Variants in SCN10A observed in about 807,000 individuals in gnomAD.
The protein encoded by SCN10A is sodium channel protein type 10 subunit alpha.
In SCN10A, 162 loss-of-function variants were observed where a neutral mutation model predicts 170.7. The observed-to-expected ratio is 0.95, with a 90% confidence interval of 0.84 to 1.08. The LOEUF is 1.08. Among genes scored for constraint, SCN10A ranks in the 50% least tolerant of loss-of-function variants. The pLI is 0.00. For missense variants in SCN10A, 2,527 were observed against 2,436.9 expected (o/e 1.04, Z -0.78); for synonymous variants, 985 against 904.6 (o/e 1.09, Z -1.59).
Position 38,761,209 on chromosome 3 carries a change from T to C in SCN10A, c.866A>G (p.Tyr289Cys). The change falls in exon 7 of 28, where the codon TAC (tyrosine) becomes TGC (cysteine). Residue 289 changes from tyrosine (Y) to cysteine (C), a missense_variant. Transcript: ENST00000449082. ...NDMAVNETTN[Y>C]SSHRKPDIYI... ...CCACTCACGTTTTCTGTGAGATGAG[T>C]AGTTGGTTGTCTCATTGACAGCCAT... The C allele has an allele frequency of 2.5e-6, 4 of 1,606,866 alleles. No homozygotes were observed. Among genetic ancestry groups the C allele is most frequent in the Non-Finnish European group, 3.4e-6 (4 of 1,175,058 alleles).
At chr3:38,714,455 CT>C (rs1171212009) in intron 21 of SCN10A, among the ~76,000 whole-genome samples, 3 of 152,132 alleles carry the variant, frequency 2.0e-5, no homozygotes, top group Non-Finnish European at 4.4e-5. Flanking sequence ...ATGATGTTCC[CT>C]CCTAGGGGCT....
chr3:38,807,260 G>A (rs2064410154), intron 1 of SCN10A, among the ~76,000 whole-genome samples: 1 of 152,132 alleles, frequency 6.6e-6, no homozygotes, highest in South Asian at 2.1e-4. Flanking sequence ...TAGAATTTGG[G>A]TAATCAATTT....
At chr3:38,737,216 T>A (rs975374237) in intron 15 of SCN10A, among the ~76,000 whole-genome samples, 3 of 150,732 alleles carry the variant, frequency 2.0e-5, no homozygotes, top group Non-Finnish European at 3.0e-5. Flanking sequence ...GTGATCCGCC[T>A]GCCTCGGCCT....
intron 10 of SCN10A, 72 bp downstream of exon 10, chr3:38,756,602 G>T: frequency 8.0e-7 from 1 of 1,257,728 alleles, no homozygotes; most frequent in Non-Finnish European, 1.2e-6. Context: ...TAATTGAAGT[G>T]GCTAGTCCAG....
chr3:38,803,805 AC>A (rs1288838056), intron 1 of SCN10A, among the ~76,000 whole-genome samples: 90 of 152,256 alleles, frequency 5.9e-4, no homozygotes, highest in African/African-American at 1.7e-3. Context: ...TATAAAAAAA[AC>A]AAAACCTTTT....
At chr3:38,753,541 T>C (rs1025519108) in intron 11 of SCN10A, among the ~76,000 whole-genome samples, 2 of 152,238 alleles carry the variant, frequency 1.3e-5, no homozygotes, top group African/African-American at 4.8e-5. Context: ...AGCCTGATCC[T>C]GTTTAGCAAC....
chr3:38,704,101 A>G (rs1191087942), intron 26 of SCN10A, among the ~76,000 whole-genome samples: 1 of 152,192 alleles, frequency 6.6e-6, no homozygotes, highest in East Asian at 1.9e-4. Flanking sequence ...GGAGGAAGAG[A>G]AGAACCTGTC....
intron 8 of SCN10A, among the ~76,000 whole-genome samples, chr3:38,760,409 C>T (rs1014731476): frequency 2.6e-5 from 4 of 152,200 alleles, no homozygotes; most frequent in Non-Finnish European, 5.9e-5. Flanking sequence ...CACCCAATGC[C>T]CATCTGATCC....
At position 38,743,572 on chromosome 3, in the gene SCN10A, C is replaced by A. The variant is rs187355509; in HGVS notation, c.1868-1043G>T. Among the ~76,000 whole-genome samples the A allele has an allele frequency of 1.1e-4, 17 of 152,278 alleles. No individual in the cohort carries two copies. The East Asian group carries it at 2.9e-3, about 26-fold the overall frequency. ...ATCTGACTTTAACTGCTTCCAAATTCAAATAATTGATTTCCAGTTCTCATC... is the reference window on the plus strand; with the variant it reads ...ATCTGACTTTAACTGCTTCCAAATTAAAATAATTGATTTCCAGTTCTCATC... On this transcript the variant is annotated intron_variant, in intron 13 of 27. Transcript: ENST00000449082.
At chr3:38,699,149 A>G (rs907169468) in intron 27 of SCN10A, among the ~76,000 whole-genome samples, 5 of 151,536 alleles carry the variant, frequency 3.3e-5, no homozygotes, top group African/African-American at 1.2e-4. Flanking sequence ...GCTGACAGCT[A>G]AAGCATAAGG....
intron 15 of SCN10A, among the ~76,000 whole-genome samples, chr3:38,735,169 C>CAAAAAAAAAAAAAAAA (rs543574832): frequency 1.3e-5 from 1 of 76,162 alleles, no homozygotes; most frequent in Non-Finnish European, 2.6e-5. Flanking sequence ...GACTCTGTCT[C>CAAAAAAAAAAAAAAAA]AAAAAAAAAA....
intron 1 of SCN10A, among the ~76,000 whole-genome samples, chr3:38,799,410 C>T (rs1190166251): frequency 6.6e-6 from 1 of 152,132 alleles, no homozygotes; most frequent in African/African-American, 2.4e-5. Flanking sequence ...AACAAGTGTC[C>T]TCTGGGAAAA....
At chr3:38,791,906 G>C in intron 3 of SCN10A, 144 bp downstream of exon 3, 1 of 1,092,986 alleles carries the variant, frequency 9.1e-7, no homozygotes, top group East Asian at 2.4e-5. Flanking sequence ...AAAGGCCCAA[G>C]CCATTTTTTC....
Position 38,788,964 on chromosome 3 carries a change from C to T in SCN10A, c.462G>A (p.Glu154=), listed in dbSNP as rs541804553. 74 of 1,597,314 alleles carry T rather than the reference C, an allele frequency of 4.6e-5. No homozygotes were observed. The South Asian group carries it at 7.2e-4, about 15-fold the overall frequency. ...CVCMTRTDLP[E]KIEYVFTVIY... ...ATAGCAAATCTACTCACTCAATTTTCTCTGGAAGGTCAGTTCGGGTCATGC... is the reference window on the plus strand; with the variant it reads ...ATAGCAAATCTACTCACTCAATTTTTTCTGGAAGGTCAGTTCGGGTCATGC... Residue 154 remains glutamate (E), a synonymous_variant, in exon 4 of 28, where the codon GAG becomes GAA. Transcript: ENST00000449082.
chr3:38,787,461 A>G (rs1474968894), intron 4 of SCN10A, among the ~76,000 whole-genome samples: 2 of 152,078 alleles, frequency 1.3e-5, no homozygotes, highest in Admixed American at 1.3e-4. Context: ...TCTGTAAATT[A>G]CATCTTCGGT....
Position 38,728,746 on chromosome 3 carries a change from G to C in SCN10A, c.2436C>G (p.Asn812Lys). 6.2e-7 allele frequency: 1 copy of C among 1,614,208 alleles called. No individual in the cohort carries two copies. Among genetic ancestry groups the C allele is most frequent in the Middle Eastern group, 1.6e-4 (1 of 6,062 alleles). The change falls in exon 16 of 28, where the codon AAC becomes AAG. Residue 812 changes from asparagine (N) to lysine (K), a missense_variant. Coordinates refer to ENST00000449082, the MANE Select transcript of SCN10A (RefSeq NM_006514.4). ...AGATATTTTTTCGGTTGTTACGGTA[G>C]TTTTCCCCTAGGAGCTGCTTGCCAA... The part of the protein sequence containing the change: ...ALVGKQLLGE[N>K]YRNNRKNISA...
At position 38,805,798 on chromosome 3, in the gene SCN10A, A is replaced by T. The variant is rs115061054; in HGVS notation, c.-33+10239T>A. On this transcript the variant is annotated intron_variant, in intron 1 of 27. Coordinates refer to ENST00000449082, the MANE Select transcript of SCN10A (RefSeq NM_006514.4). ...TAGCACTTAGCTACCTTTGAAGTTG[A>T]ATAATCCTGAGTTGCCTCTGATAAC... Among the ~76,000 whole-genome samples the T allele has an allele frequency of 1.7e-3, 263 of 152,294 alleles. 1 individual carries two copies. Among genetic ancestry groups the T allele is most frequent in the Middle Eastern group, 0.01 (3 of 294 alleles).
At chr3:38,704,505 G>A (rs1396300312) in intron 26 of SCN10A, among the ~76,000 whole-genome samples, 1 of 152,230 alleles carries the variant, frequency 6.6e-6, no homozygotes, top group East Asian at 1.9e-4. Context: ...CCCACGGTCA[G>A]GGATCATACC....
At chr3:38,737,132 G>A (rs935660915) in intron 15 of SCN10A, among the ~76,000 whole-genome samples, 1 of 150,046 alleles carries the variant, frequency 6.7e-6, no homozygotes, top group Non-Finnish European at 1.5e-5. Flanking sequence ...CACCGTGCCC[G>A]GCTAATTTTT....
Sources: gnomAD v4.1 joint callset for allele counts (sites outside exome capture counted in the v4.1 genomes callset) on GRCh38, gnomAD v4.1.1 for gene constraint, MANE v1.5 for transcripts, NCBI Gene and HGNC (gene_info 2026-07-23, HGNC 2026-07-21) for gene names.